Variants in NLRC5 observed in about 807,000 individuals in gnomAD.
The protein encoded by NLRC5 is protein NLRC5.
Under a neutral mutation model 206.9 loss-of-function variants are expected in NLRC5, and 114 were observed. The ratio of observed to expected loss-of-function variants is 0.55; its 90% CI spans 0.47 to 0.64. The LOEUF (loss-of-function observed/expected upper bound fraction) is 0.64, where lower values mean the gene tolerates loss of function less well. Ranked by LOEUF, NLRC5 falls within the 30% of genes least tolerant of loss-of-function variation. The pLI is 0.00. For missense variants in NLRC5, 2,008 were observed against 2,305.5 expected (o/e 0.87, Z 2.64); for synonymous variants, 952 against 962.8 (o/e 0.99, Z 0.21).
chr16:56,996,630 T>A (rs1212296568), intron 1 of NLRC5, among the ~76,000 whole-genome samples: 1 of 152,164 alleles, frequency 6.6e-6, no homozygotes. Context: ...CAAACATGAG[T>A]AAAGAGTTTT....
At chr16:57,064,594 T>C (rs78823806) in intron 32 of NLRC5, among the ~76,000 whole-genome samples, 5,767 of 152,298 alleles carry the variant, frequency 0.038, 376 homozygotes, top group African/African-American at 0.13. Flanking sequence ...TCCTTACCTT[T>C]GTGATGTAAC....
At position 56,994,671 on chromosome 16, in the gene NLRC5, G is replaced by A. The variant is rs142477628; in HGVS notation, c.-128+5054G>A. 2.6e-5 allele frequency among the ~76,000 whole-genome samples: 4 copies of A among 152,154 alleles called. No individual in the cohort carries two copies. The East Asian group carries it at 5.8e-4, about 22-fold the overall frequency. ...ATTTGAGAGAGAACTTGAAGGGAGC[G>A]TGGCAGGGAACCATGGGCCATGGCA... On this transcript the variant is annotated intron_variant, in intron 1 of 48. Coordinates refer to ENST00000688547, the MANE Select transcript of NLRC5 (RefSeq NM_001384950.1).
chr16:57,058,066 C>T lies in NLRC5; in HGVS notation c.3748C>T (p.Leu1250Phe), dbSNP rs751827151. Reference sequence around the variant, plus strand: ...GCCACTGCTCCTTACCCCCTACAGTCTCTCAGCAAACCTGCTGGGCGACAG... The same window carrying T: ...GCCACTGCTCCTTACCCCCTACAGTTTCTCAGCAAACCTGCTGGGCGACAG... ...SKCKDLSQVD[L>F]SANLLGDSGL... is the part of the protein sequence containing the mutation. Residue 1250 changes from leucine to phenylalanine, a missense_variant and splice_region_variant, in exon 28 of 49, where the codon CTC (leucine) becomes TTC (phenylalanine). Leu to Phe is a conservative substitution (Grantham distance 22). Coordinates refer to ENST00000688547, the MANE Select transcript of NLRC5 (RefSeq NM_001384950.1). 2 of 1,611,650 alleles carry T rather than the reference C, an allele frequency of 1.2e-6. No individual in the cohort carries two copies. The highest frequency in any genetic ancestry group is 2.7e-5 in the African/African-American group (2 of 74,872).
Position 57,047,528 on chromosome 16 carries a change from C to G in NLRC5, c.3339-17C>G, listed in dbSNP as rs745557047. The G allele has an allele frequency of 1.9e-6, 3 of 1,607,674 alleles. No homozygotes were observed. The highest frequency in any genetic ancestry group is 2.5e-6 in the Non-Finnish European group (3 of 1,176,580). ...GGCTTTCTCTGATTCCCTGCCCTGCCCATTGCCCCTTTGCAGCCTCAGTGA... is the reference window on the plus strand; with the variant it reads ...GGCTTTCTCTGATTCCCTGCCCTGCGCATTGCCCCTTTGCAGCCTCAGTGA... On this transcript the variant is annotated splice_polypyrimidine_tract_variant and intron_variant, in intron 22 of 48. Coordinates refer to ENST00000688547, the MANE Select transcript of NLRC5 (RefSeq NM_001384950.1).
rs1257150246 is a variant in NLRC5 at position 57,070,594 on chromosome 16, G to A, written c.4643G>A (p.Gly1548Glu). 1 of 1,614,132 alleles carries A rather than the reference G, an allele frequency of 6.2e-7. No homozygotes were observed. The highest frequency in any genetic ancestry group is 1.1e-5 in the South Asian group (1 of 91,084). ...GTKALMRALE[G>E]KWMLKRLDLS... ...AAGGCGCTGATGAGGGCCCTTGAGG[G>A]GAAATGGATGCTAAAGAGGCTGGAG... is the stretch of plus-strand genomic sequence containing the variant. Residue 1548 changes from glycine (G) to glutamate (E), a missense_variant, in exon 38 of 49, where the codon GGG becomes GAG. Coordinates refer to ENST00000688547, the MANE Select transcript of NLRC5 (RefSeq NM_001384950.1).
At chr16:57,047,486 G>C (rs755443953) in intron 22 of NLRC5, 59 bp from the exon 23 acceptor site, 1 of 1,444,102 alleles carries the variant, frequency 6.9e-7, no homozygotes, top group Non-Finnish European at 9.6e-7. Flanking sequence ...AGCCCCTGGG[G>C]CTAGCCAGGG....
intron 33 of NLRC5, among the ~76,000 whole-genome samples, chr16:57,065,947 C>A (rs2067033070): frequency 6.6e-6 from 1 of 152,168 alleles, no homozygotes; most frequent in Non-Finnish European, 1.5e-5. Flanking sequence ...CCCATAAGCA[C>A]CCCATGAACA....
At chr16:57,059,985 G>T (rs967858032) in intron 30 of NLRC5, among the ~76,000 whole-genome samples, 1 of 151,724 alleles carries the variant, frequency 6.6e-6, no homozygotes, top group African/African-American at 2.4e-5. Context: ...CCAGGAAAAG[G>T]TCTGGCTCAT....
At chr16:57,028,214 C>G (rs373846225) in intron 7 of NLRC5, 59 bp downstream of exon 7, 5 of 1,570,126 alleles carry the variant, frequency 3.2e-6, no homozygotes, top group East Asian at 4.5e-5. Context: ...GTACTCTCCT[C>G]CCTCTCCTTA....
At chr16:57,021,174 A>C (rs1207211918) in intron 3 of NLRC5, 167 bp downstream of exon 3, 7 of 625,746 alleles carry the variant, frequency 1.1e-5, no homozygotes, top group Non-Finnish European at 1.9e-5. Flanking sequence ...AATGCGCCCA[A>C]ATCTGCTGGG....
intron 1 of NLRC5, among the ~76,000 whole-genome samples, chr16:56,997,907 A>G (rs113398363): frequency 9.3e-4 from 141 of 152,250 alleles, no homozygotes; most frequent in African/African-American, 3.1e-3. Flanking sequence ...CAGCTCCACA[A>G]TTCCCTGTGA....
At chr16:57,053,696 T>C (rs2065229820) in intron 24 of NLRC5, among the ~76,000 whole-genome samples, 1 of 152,020 alleles carries the variant, frequency 6.6e-6, no homozygotes, top group Non-Finnish European at 1.5e-5. Context: ...GCCCAGCTAA[T>C]TTTTGTATTT....
chr16:57,008,174 G>T (rs2059122989), intron 1 of NLRC5, among the ~76,000 whole-genome samples: 1 of 151,742 alleles, frequency 6.6e-6, no homozygotes, highest in South Asian at 2.1e-4. Context: ...GATTATTTGA[G>T]TCCAGGAGTT....
intron 1 of NLRC5, among the ~76,000 whole-genome samples, chr16:56,998,194 C>CTT (rs201515449): frequency 7.3e-6 from 1 of 137,730 alleles, no homozygotes; most frequent in Non-Finnish European, 1.6e-5. Context: ...TCACTGATGT[C>CTT]TTTTTTTTTT....
intron 10 of NLRC5, among the ~76,000 whole-genome samples, chr16:57,030,376 A>ATGGC (rs2061672384): frequency 7.6e-6 from 1 of 132,372 alleles, no homozygotes; most frequent in Admixed American, 8.0e-5. Context: ...GGATGGGTGG[A>ATGGC]TGAAAAGATG....
rs139650302 is a variant in NLRC5 at position 57,025,402 on chromosome 16, C to T, written c.459C>T (p.Thr153=). 488 of 1,554,332 alleles carry T rather than the reference C, an allele frequency of 3.1e-4. 4 individuals are homozygous for T. In the East Asian group the frequency reaches 9.5e-3, roughly 30 times the overall value. Reference sequence around the variant, plus strand: ...AGAAGTACCTGCAGCTCCTGCGGACCTCTGCCCAGCAGCGCTACAGGAGCC... The same window carrying T: ...AGAAGTACCTGCAGCTCCTGCGGACTTCTGCCCAGCAGCGCTACAGGAGCC... ...LAKKYLQLLR[T]SAQQRYRSQI... is the part of the protein sequence containing the mutation. The change falls in exon 6 of 49, where the codon ACC becomes ACT. Residue 153 remains threonine, a synonymous_variant. Coordinates refer to ENST00000688547, the MANE Select transcript of NLRC5 (RefSeq NM_001384950.1).
intron 1 of NLRC5, among the ~76,000 whole-genome samples, chr16:56,994,265 T>G (rs1212892782): frequency 6.6e-6 from 1 of 152,028 alleles, no homozygotes; most frequent in East Asian, 1.9e-4. Context: ...GGGAGATGAC[T>G]CCCAGAAACT....
chr16:57,076,701 T>C, intron 39 of NLRC5, 118 bp from the exon 40 acceptor site: 2 of 909,922 alleles, frequency 2.2e-6, no homozygotes, highest in Non-Finnish European at 3.5e-6. Context: ...GAAGTTTTGC[T>C]ACCAGCATAT....
chr16:57,065,191 C>T (rs1187000675), intron 32 of NLRC5, 21 bp from the exon 33 acceptor site: 3 of 1,484,506 alleles, frequency 2.0e-6, no homozygotes, highest in Admixed American at 4.1e-5. Context: ...GGGGCCTTAT[C>T]TGTGTCCCCT....
Sources: gnomAD v4.1 joint callset for allele counts (sites outside exome capture counted in the v4.1 genomes callset) on GRCh38, gnomAD v4.1.1 for gene constraint, MANE v1.5 for transcripts, NCBI Gene and HGNC (gene_info 2026-07-23, HGNC 2026-07-21) for gene names.